The following HIPK3 variants were observed in gnomAD, a reference collection of about 807,000 sequenced individuals.
The protein encoded by HIPK3 is homeodomain-interacting protein kinase 3.
Under a neutral mutation model 124.2 loss-of-function variants are expected in HIPK3, and 47 were observed. The ratio of observed to expected loss-of-function variants is 0.38; its 90% CI spans 0.30 to 0.48. The LOEUF is 0.48. Among genes scored for constraint, HIPK3 ranks in the 20% least tolerant of loss-of-function variants. The pLI, the probability that HIPK3 is intolerant of heterozygous loss-of-function variation, is 0.98. For missense variants in HIPK3, 1,286 were observed against 1,454.3 expected, an observed-to-expected ratio of 0.88 and a Z score of 1.88; for synonymous variants, 482 against 515.2, an observed-to-expected ratio of 0.94 and a Z score of 0.87.
intron 2 of HIPK3, among the ~76,000 whole-genome samples, chr11:33,291,538 C>G (rs542106210): frequency 6.6e-6 from 1 of 152,244 alleles, no homozygotes; most frequent in African/African-American, 2.4e-5. Flanking sequence ...CTAACTCTTG[C>G]AGTGATACAA....
At chr11:33,297,569 G>A (rs1590371580) in intron 2 of HIPK3, among the ~76,000 whole-genome samples, 1 of 152,150 alleles carries the variant, frequency 6.6e-6, no homozygotes, top group Non-Finnish European at 1.5e-5. Context: ...GAGGTTTAAG[G>A]AAAGAAGCCT....
At chr11:33,291,223 G>C (rs1851689781) in intron 2 of HIPK3, among the ~76,000 whole-genome samples, 1 of 152,060 alleles carries the variant, frequency 6.6e-6, no homozygotes, top group Non-Finnish European at 1.5e-5. Flanking sequence ...TTTATGACTA[G>C]GTTACTTATA....
upstream of HIPK3, chr11:33,256,851 C>A: frequency 4.0e-6 from 1 of 252,090 alleles, no homozygotes; most frequent in Non-Finnish European, 6.3e-6. Context: ...CTTTACAATT[C>A]TCTTCACTCT....
At chr11:33,310,302 T>TA (rs1852294776) in intron 2 of HIPK3, among the ~76,000 whole-genome samples, 1 of 151,426 alleles carries the variant, frequency 6.6e-6, no homozygotes, top group Non-Finnish European at 1.5e-5. Flanking sequence ...TCTATCTATC[T>TA]ATCTAATCTA....
intron 3 of HIPK3, among the ~76,000 whole-genome samples, chr11:33,332,405 A>G (rs1175245306): frequency 6.6e-6 from 1 of 152,202 alleles, no homozygotes; most frequent in Non-Finnish European, 1.5e-5. Context: ...TGTTCTATTT[A>G]CAGGACTTAT....
intron 5 of HIPK3, 148 bp from the exon 6 acceptor site, chr11:33,339,202 A>G: frequency 1.8e-6 from 1 of 565,824 alleles, no homozygotes; most frequent in East Asian, 2.8e-5. Context: ...GGATTTGTTA[A>G]TATTATTTGT....
chr11:33,345,472 C>A (rs375506545), intron 8 of HIPK3, among the ~76,000 whole-genome samples: 24 of 152,218 alleles, frequency 1.6e-4, no homozygotes, highest in African/African-American at 5.8e-4. Flanking sequence ...TGAATCTGAT[C>A]AAAAATTAGA....
intron 1 of HIPK3, among the ~76,000 whole-genome samples, chr11:33,282,378 CA>C (rs201483608): frequency 1.4e-5 from 2 of 146,198 alleles, no homozygotes; most frequent in Non-Finnish European, 3.0e-5. Context: ...AAGACTGTCT[CA>C]AAAAAAAAGA....
chr11:33,347,681 C>T lies in HIPK3; in HGVS notation c.2072C>T (p.Thr691Ile), dbSNP rs1368798701. The T allele has an allele frequency of 6.2e-7, 1 of 1,614,198 alleles. No homozygotes were observed. Among genetic ancestry groups the T allele is most frequent in the South Asian group, 1.1e-5 (1 of 91,088 alleles). The change falls in exon 10 of 17, where the codon ACA (threonine) becomes ATA (isoleucine). Residue 691 changes from threonine to isoleucine, a missense_variant. Physicochemically the swap from Thr to Ile is moderately conservative, Grantham distance 89. This residue lies in a region of HIPK3 where 810 missense variants were observed against 864.9 expected (regional missense o/e 0.94). Coordinates refer to ENST00000303296, the MANE Select transcript of HIPK3 (RefSeq NM_005734.5). Reference protein sequence around the residue: ...QMLVPAWQQVTPLAPATTTLT... With the variant: ...QMLVPAWQQVIPLAPATTTLT... ...CTGGTGCCTGCCTGGCAACAGGTGA[C>T]ACCCCTGGCTCCTGCTACTACTACA... is the stretch of plus-strand genomic sequence containing the variant.
chr11:33,319,867 A>G (rs779883034), intron 2 of HIPK3, among the ~76,000 whole-genome samples: 12 of 152,262 alleles, frequency 7.9e-5, no homozygotes, highest in Admixed American at 2.0e-4. Context: ...GACAAGTGCT[A>G]TAGAGAACAG....
At chr11:33,269,085 CATATG>C (rs1420561760) in intron 1 of HIPK3, among the ~76,000 whole-genome samples, 1 of 152,174 alleles carries the variant, frequency 6.6e-6, no homozygotes. Flanking sequence ...CAAATACAGA[CATATG>C]ATACTCAACT....
intron 2 of HIPK3, among the ~76,000 whole-genome samples, chr11:33,304,887 G>C (rs2133932583): frequency 6.6e-6 from 1 of 152,246 alleles, no homozygotes; most frequent in South Asian, 2.1e-4. Context: ...AAGCTAGTCT[G>C]GTTTATCATC....
intron 2 of HIPK3, among the ~76,000 whole-genome samples, chr11:33,294,415 C>T (rs1404501378): frequency 6.6e-6 from 1 of 152,034 alleles, no homozygotes; most frequent in Non-Finnish European, 1.5e-5. Flanking sequence ...CACCCACACA[C>T]CCACCCTCAC....
chr11:33,269,639 T>TAGAAG (rs1283470251), intron 1 of HIPK3, among the ~76,000 whole-genome samples: 1 of 152,194 alleles, frequency 6.6e-6, no homozygotes, highest in Non-Finnish European at 1.5e-5. Flanking sequence ...CTGTTTCTTC[T>TAGAAG]AAACTTCTTA....
intron 2 of HIPK3, among the ~76,000 whole-genome samples, chr11:33,299,402 G>A (rs1565072252): frequency 6.6e-6 from 1 of 151,812 alleles, no homozygotes; most frequent in Non-Finnish European, 1.5e-5. Context: ...AACCTGGGTG[G>A]CAGAGGTTGC....
At chr11:33,347,195 C>A in intron 8 of HIPK3, 98 bp from the exon 9 acceptor site, 11 of 1,135,118 alleles carry the variant, frequency 9.7e-6, no homozygotes, top group Middle Eastern at 3.1e-4. Context: ...AAAAAAAAAT[C>A]TGTCAGAATC....
chr11:33,296,056 C>T (rs933810438), intron 2 of HIPK3, among the ~76,000 whole-genome samples: 5 of 152,204 alleles, frequency 3.3e-5, no homozygotes, highest in Non-Finnish European at 7.3e-5. Flanking sequence ...AATTCTTCCA[C>T]AAGAAGAGCT....
At chr11:33,346,779 C>A (rs1853505740) in intron 8 of HIPK3, among the ~76,000 whole-genome samples, 1 of 152,074 alleles carries the variant, frequency 6.6e-6, no homozygotes, top group Non-Finnish European at 1.5e-5. Context: ...GAAAGGGAAG[C>A]TTTATGATAA....
chr11:33,341,101 A>T lies in HIPK3; in HGVS notation c.1747A>T (p.Thr583Ser). The part of the protein sequence containing the change: ...SSTATLTANF[T>S]KIGTLRSQAL... ...TACTGCTACACTGACTGCAAATTTTACTAAAATCGGAACATTAAGAAGTCA... is the reference window on the plus strand; with the variant it reads ...TACTGCTACACTGACTGCAAATTTTTCTAAAATCGGAACATTAAGAAGTCA... Residue 583 changes from threonine (T) to serine (S), a missense_variant, in exon 7 of 17, where the codon ACT becomes TCT. By Grantham distance (58) the Thr-to-Ser change is moderately conservative. This residue lies in a region of HIPK3 where 810 missense variants were observed against 864.9 expected (regional missense o/e 0.94). Transcript: ENST00000303296. 1.9e-6 allele frequency: 3 copies of T among 1,596,898 alleles called. No homozygotes were observed. The highest frequency in any genetic ancestry group is 2.6e-6 in the Non-Finnish European group (3 of 1,174,514).
Sources: gnomAD v4.1 joint callset for allele counts (sites outside exome capture counted in the v4.1 genomes callset) on GRCh38, gnomAD v4.1.1 for gene constraint, gnomAD v4.1.1 regional missense constraint, MANE v1.5 for transcripts, NCBI Gene and HGNC (gene_info 2026-07-23, HGNC 2026-07-21) for gene names.